Variants in ZNF804B observed in about 807,000 individuals in gnomAD.
The protein encoded by ZNF804B is zinc finger 804B.
ZNF804B carries 80 observed loss-of-function variants against 101.4 expected under a neutral mutation model. That is an observed-to-expected ratio of 0.79 (90% CI 0.66 to 0.95). The LOEUF is 0.95. ZNF804B is among the 40% of genes least tolerant of loss of function. The pLI is 0.00. For synonymous variants in ZNF804B, 622 were observed against 558.8 expected (o/e 1.11, Z -1.59); for missense variants, 1,673 against 1,561.9 (o/e 1.07, Z -1.20).
chr7:88,864,420 G>T (rs920058376), intron 1 of ZNF804B, among the ~76,000 whole-genome samples: 2 of 151,890 alleles, frequency 1.3e-5, no homozygotes, highest in Non-Finnish European at 2.9e-5. Context: ...ACAATCTCAG[G>T]GCCAGGCAAA....
intron 1 of ZNF804B, among the ~76,000 whole-genome samples, chr7:88,857,080 C>T (rs1791572009): frequency 6.6e-6 from 1 of 152,022 alleles, no homozygotes; most frequent in African/African-American, 2.4e-5. Context: ...AAAGACACAA[C>T]ATACCAGAAT....
At chr7:88,924,333 G>T (rs909519166) in intron 1 of ZNF804B, among the ~76,000 whole-genome samples, 1 of 151,838 alleles carries the variant, frequency 6.6e-6, no homozygotes, top group African/African-American at 2.4e-5. Context: ...ATGATACCTT[G>T]AGCATGTGTT....
At chr7:89,208,907 G>A (rs1488352914) in intron 1 of ZNF804B, among the ~76,000 whole-genome samples, 2 of 152,060 alleles carry the variant, frequency 1.3e-5, no homozygotes, top group South Asian at 2.1e-4. Flanking sequence ...AGCTATTCGG[G>A]AGGCTGAGGC....
intron 3 of ZNF804B, among the ~76,000 whole-genome samples, chr7:89,329,229 G>T (rs1379497949): frequency 6.6e-6 from 1 of 151,700 alleles, no homozygotes; most frequent in Non-Finnish European, 1.5e-5. Flanking sequence ...CAAGTGTTCA[G>T]CTTTCTAGAT....
intron 1 of ZNF804B, among the ~76,000 whole-genome samples, chr7:88,834,642 G>A (rs6465161): frequency 0.52 from 78,010 of 150,760 alleles, 22,596 homozygotes; most frequent in East Asian, 0.81. Context: ...TGAACTATAC[G>A]CTCACTTTGT....
chr7:89,287,680 A>G (rs1388197702), intron 2 of ZNF804B, among the ~76,000 whole-genome samples: 2 of 152,166 alleles, frequency 1.3e-5, no homozygotes, highest in East Asian at 1.9e-4. Context: ...AGTACTAGAT[A>G]AAACAGTCAG....
chr7:88,953,241 T>C (rs1236963971), intron 1 of ZNF804B, among the ~76,000 whole-genome samples: 1 of 151,776 alleles, frequency 6.6e-6, no homozygotes, highest in African/African-American at 2.4e-5. Context: ...CAGTGATACA[T>C]TCCTTCTTTC....
At chr7:89,116,199 C>T (rs1790310170) in intron 1 of ZNF804B, among the ~76,000 whole-genome samples, 1 of 152,000 alleles carries the variant, frequency 6.6e-6, no homozygotes, top group Non-Finnish European at 1.5e-5. Context: ...CAGGCATGAG[C>T]CACCGTGCCA....
intron 1 of ZNF804B, among the ~76,000 whole-genome samples, chr7:88,786,498 T>A (rs1790304968): frequency 6.6e-6 from 1 of 152,154 alleles, no homozygotes; most frequent in South Asian, 2.1e-4. Flanking sequence ...GATTTCAGGC[T>A]AAGAATAATC....
At chr7:88,800,690 ATTTGTG>A (rs1790564417) in intron 1 of ZNF804B, among the ~76,000 whole-genome samples, 1 of 96,812 alleles carries the variant, frequency 1.0e-5, no homozygotes, top group Non-Finnish European at 2.0e-5. Flanking sequence ...AATAGATATG[ATTTGTG>A]TGTGTGTGTG....
intron 1 of ZNF804B, among the ~76,000 whole-genome samples, chr7:89,187,321 T>G (rs1236329665): frequency 1.2e-4 from 19 of 152,184 alleles, no homozygotes; most frequent in Non-Finnish European, 2.8e-4. Context: ...TGATGGATCA[T>G]ATTCTTTCTC....
intron 1 of ZNF804B, among the ~76,000 whole-genome samples, chr7:89,092,632 C>G (rs929101440): frequency 6.6e-6 from 1 of 151,908 alleles, no homozygotes; most frequent in Non-Finnish European, 1.5e-5. Flanking sequence ...AGGATGATCT[C>G]GAAATCCTGA....
At chr7:89,017,782 A>G (rs914280522) in intron 1 of ZNF804B, among the ~76,000 whole-genome samples, 1 of 152,054 alleles carries the variant, frequency 6.6e-6, no homozygotes, top group African/African-American at 2.4e-5. Flanking sequence ...GCCATTTTAA[A>G]TGGGATTTCT....
chr7:89,114,455 G>A (rs1198157738), intron 1 of ZNF804B, among the ~76,000 whole-genome samples: 1 of 152,146 alleles, frequency 6.6e-6, no homozygotes, highest in Non-Finnish European at 1.5e-5. Flanking sequence ...AGACATTGCA[G>A]CACATTTGAA....
intron 1 of ZNF804B, among the ~76,000 whole-genome samples, chr7:88,869,030 T>C (rs559964304): frequency 8.5e-5 from 13 of 152,216 alleles, no homozygotes; most frequent in African/African-American, 1.7e-4. Flanking sequence ...GAATCACCTA[T>C]TGAAGAATCT....
intron 1 of ZNF804B, among the ~76,000 whole-genome samples, chr7:88,899,728 A>C (rs1269089471): frequency 6.6e-6 from 1 of 152,186 alleles, no homozygotes; most frequent in East Asian, 1.9e-4. Flanking sequence ...AAGGGGCTAC[A>C]ACATAACTTT....
intron 1 of ZNF804B, among the ~76,000 whole-genome samples, chr7:88,854,302 GA>G (rs1583976969): frequency 6.6e-6 from 1 of 152,140 alleles, no homozygotes; most frequent in Admixed American, 6.5e-5. Context: ...CACACACACA[GA>G]AAATAAGGGG....
intron 1 of ZNF804B, among the ~76,000 whole-genome samples, chr7:88,770,347 G>A (rs1374172444): frequency 6.6e-6 from 1 of 152,150 alleles, no homozygotes; most frequent in Non-Finnish European, 1.5e-5. Context: ...CAGAGAGAAA[G>A]CTTTGAGGAT....
intron 1 of ZNF804B, among the ~76,000 whole-genome samples, chr7:89,079,189 C>A (rs10276486): frequency 0.32 from 48,235 of 151,784 alleles, 8,366 homozygotes; most frequent in East Asian, 0.52. Context: ...GATAAGATAA[C>A]ATGAGGTTCT....
Sources: allele counts gnomAD v4.1 joint callset (sites outside exome capture counted in the v4.1 genomes callset), GRCh38; gene constraint gnomAD v4.1.1; transcripts MANE v1.5; gene names NCBI Gene and HGNC (gene_info 2026-07-23, HGNC 2026-07-21).